Variants in LRRTM4 observed in about 807,000 individuals in gnomAD.
LRRTM4 encodes leucine rich repeat transmembrane neuronal 4.
A neutral mutation model predicts 47.6 loss-of-function variants in LRRTM4; 25 were observed. The ratio of observed to expected loss-of-function variants is 0.53; its 90% confidence interval spans 0.38 to 0.73. The LOEUF is 0.73. Ranked by LOEUF, LRRTM4 falls within the 30% of genes least tolerant of loss-of-function variation. The pLI, the probability that LRRTM4 is intolerant of heterozygous loss-of-function variation, is 0.00. For missense variants in LRRTM4, 638 were observed against 713.4 expected (o/e 0.89, Z 1.20); for synonymous variants, 311 against 269.5 (o/e 1.15, Z -1.51).
intron 3 of LRRTM4, among the ~76,000 whole-genome samples, chr2:77,410,133 AAAAC>A (rs1212458708): frequency 3.3e-5 from 5 of 152,192 alleles, no homozygotes; most frequent in Admixed American, 1.3e-4. Context: ...TTGAGAAGAA[AAAAC>A]AAACAAGTCT....
intron 3 of LRRTM4, among the ~76,000 whole-genome samples, chr2:77,364,717 C>A (rs1392887614): frequency 2.0e-5 from 3 of 151,980 alleles, no homozygotes; most frequent in Non-Finnish European, 2.9e-5. Context: ...GAAATCCATT[C>A]CGATAAATAC....
chr2:77,121,997 G>A (rs1377679260), intron 3 of LRRTM4, among the ~76,000 whole-genome samples: 2 of 151,708 alleles, frequency 1.3e-5, no homozygotes, highest in African/African-American at 4.8e-5. Flanking sequence ...GGTTGCCACT[G>A]CTATTGTTGT....
intron 3 of LRRTM4, among the ~76,000 whole-genome samples, chr2:77,182,169 C>T (rs903412417): frequency 2.0e-5 from 3 of 152,100 alleles, no homozygotes; most frequent in Non-Finnish European, 4.4e-5. Flanking sequence ...ATGGAATCAA[C>T]CTAAATGCCC....
chr2:77,035,170 G>A (rs534840583), intron 3 of LRRTM4, among the ~76,000 whole-genome samples: 24 of 151,300 alleles, frequency 1.6e-4, no homozygotes, highest in Non-Finnish European at 3.2e-4. Context: ...CCATTAACTC[G>A]TCATTTACAT....
intron 3 of LRRTM4, among the ~76,000 whole-genome samples, chr2:77,470,030 G>C (rs1300128527): frequency 6.6e-6 from 1 of 152,102 alleles, no homozygotes; most frequent in African/African-American, 2.4e-5. Flanking sequence ...AGGCATGGTT[G>C]GGTCAGAGAG....
intron 3 of LRRTM4, among the ~76,000 whole-genome samples, chr2:76,824,625 T>C (rs1671142375): frequency 6.6e-6 from 1 of 151,560 alleles, no homozygotes; most frequent in Admixed American, 6.6e-5. Flanking sequence ...CTATATTTTA[T>C]GTATGTATTA....
chr2:77,387,559 T>C (rs377734427), intron 3 of LRRTM4, among the ~76,000 whole-genome samples: 15 of 152,190 alleles, frequency 9.9e-5, no homozygotes, highest in South Asian at 8.3e-4. Context: ...GCATTACTTT[T>C]GGGATTCAGG....
intron 3 of LRRTM4, among the ~76,000 whole-genome samples, chr2:76,897,516 A>G (rs1029543093): frequency 3.3e-5 from 5 of 152,118 alleles, no homozygotes; most frequent in Non-Finnish European, 7.4e-5. Context: ...CCTTTTATTA[A>G]TCTCTGGTAA....
At chr2:76,823,711 A>G (rs1202995140) in intron 3 of LRRTM4, among the ~76,000 whole-genome samples, 1 of 151,466 alleles carries the variant, frequency 6.6e-6, no homozygotes, top group African/African-American at 2.4e-5. Flanking sequence ...ATAAAAGCAT[A>G]AGAGAGGGGA....
intron 3 of LRRTM4, among the ~76,000 whole-genome samples, chr2:77,310,301 CATACACACACATAT>C (rs1677416364): frequency 6.6e-6 from 1 of 151,944 alleles, no homozygotes. Flanking sequence ...TACACAGCAA[CATACACACACATAT>C]ATACACACAC....
intron 3 of LRRTM4, among the ~76,000 whole-genome samples, chr2:76,998,527 T>C (rs1490979021): frequency 6.6e-6 from 1 of 151,960 alleles, no homozygotes; most frequent in African/African-American, 2.4e-5. Context: ...GTAACAACAA[T>C]AATGTCAACA....
chr2:77,090,796 G>A (rs1334236905), intron 3 of LRRTM4, among the ~76,000 whole-genome samples: 8 of 152,148 alleles, frequency 5.3e-5, no homozygotes, highest in Admixed American at 5.2e-4. Context: ...CTGGAACTCT[G>A]GCCCAAGGCT....
At chr2:77,057,547 A>C (rs566856972) in intron 3 of LRRTM4, among the ~76,000 whole-genome samples, 15 of 152,304 alleles carry the variant, frequency 9.8e-5, no homozygotes, top group African/African-American at 3.6e-4. Context: ...TACTATTAGT[A>C]ACATGAATTT....
At chr2:77,064,901 A>G (rs1161501558) in intron 3 of LRRTM4, among the ~76,000 whole-genome samples, 2 of 151,988 alleles carry the variant, frequency 1.3e-5, no homozygotes, top group East Asian at 3.9e-4. Context: ...TTAGCAACCT[A>G]CAGAAGACAT....
chr2:76,873,142 A>G (rs192533732), intron 3 of LRRTM4, among the ~76,000 whole-genome samples: 377 of 152,266 alleles, frequency 2.5e-3, no homozygotes, highest in African/African-American at 8.7e-3. Flanking sequence ...AATTTATGAC[A>G]TAAACGGTAC....
chr2:76,963,400 T>C (rs924575317), intron 3 of LRRTM4, among the ~76,000 whole-genome samples: 1 of 150,896 alleles, frequency 6.6e-6, no homozygotes, highest in East Asian at 2.0e-4. Flanking sequence ...AAAAAATGTA[T>C]TGATCAAGTG....
chr2:76,973,125 C>T (rs1023269666), intron 3 of LRRTM4, among the ~76,000 whole-genome samples: 11 of 150,650 alleles, frequency 7.3e-5, no homozygotes, highest in South Asian at 2.1e-4. Context: ...TTAATTTTTT[C>T]GTAAAAAGTG....
chr2:76,850,300 A>G (rs1165958831), intron 3 of LRRTM4, among the ~76,000 whole-genome samples: 1 of 152,096 alleles, frequency 6.6e-6, no homozygotes, highest in East Asian at 1.9e-4. Context: ...AATATTCTCC[A>G]TAAAGAGATG....
At chr2:77,247,072 A>G (rs1340698572) in intron 3 of LRRTM4, among the ~76,000 whole-genome samples, 1 of 151,934 alleles carries the variant, frequency 6.6e-6, no homozygotes, top group Non-Finnish European at 1.5e-5. Context: ...TTTTTACTTC[A>G]TTTTCTAAAT....
Sources: gnomAD v4.1 joint callset for allele counts (sites outside exome capture counted in the v4.1 genomes callset) on GRCh38, gnomAD v4.1.1 for gene constraint, MANE v1.5 for transcripts, NCBI Gene and HGNC (gene_info 2026-07-23, HGNC 2026-07-21) for gene names.